Variants in ATP9B observed in about 807,000 individuals in gnomAD.
ATP9B encodes probable phospholipid-transporting ATPase IIB.
In ATP9B, 110 loss-of-function variants were observed where a neutral mutation model predicts 146.1. The observed-to-expected ratio is 0.75, with a 90% CI of 0.65 to 0.88. The LOEUF is 0.88. Among genes scored for constraint, ATP9B ranks in the 40% least tolerant of loss-of-function variants. The pLI, the probability that ATP9B is intolerant of heterozygous loss-of-function variation, is 0.00. For missense variants in ATP9B, 1,499 were observed against 1,496.4 expected (o/e 1.00, Z -0.03); for synonymous variants, 604 against 569.7 (o/e 1.06, Z -0.86).
At chr18:79,145,348 A>G (rs71366507) in intron 6 of ATP9B, 34 of 114,878 alleles carry the variant, frequency 3.0e-4, no homozygotes, top group Middle Eastern at 4.7e-3. Context: ...CTGAAGGTGC[A>G]GGCTGCATGT....
At position 79,147,953 on chromosome 18, in the gene ATP9B, G is replaced by A. The variant is rs577280534; in HGVS notation, c.726+4093G>A. Among the ~76,000 whole-genome samples the A allele has an allele frequency of 1.7e-4, 26 of 152,252 alleles. No homozygotes were observed. The South Asian group carries it at 5.2e-3, about 30-fold the overall frequency. ...AGGAAGACTGATCAAAATAAAAAGTGATGTCACAAATCACCAGTATTAGTA... is the reference window on the plus strand; with the variant it reads ...AGGAAGACTGATCAAAATAAAAAGTAATGTCACAAATCACCAGTATTAGTA... On this transcript the variant is annotated intron_variant, in intron 6 of 29. Transcript: ENST00000426216.
At chr18:79,179,336 GTTTC>G (rs2095221710) in intron 8 of ATP9B, among the ~76,000 whole-genome samples, 1 of 150,500 alleles carries the variant, frequency 6.6e-6, no homozygotes, top group South Asian at 2.1e-4. Flanking sequence ...AATTTTTTTT[GTTTC>G]TTCCTCCTTA....
intron 19 of ATP9B, among the ~76,000 whole-genome samples, chr18:79,339,747 CATG>C (rs2096848659): frequency 6.6e-6 from 1 of 151,336 alleles, no homozygotes; most frequent in Non-Finnish European, 1.5e-5. Context: ...GGAAGTGTGT[CATG>C]AGGCTGTATC....
Position 79,377,681 on chromosome 18 carries a change from C to T in ATP9B, c.*298C>T, listed in dbSNP as rs571988172. 136 of 407,074 alleles carry T rather than the reference C, an allele frequency of 3.3e-4. No individual in the cohort carries two copies. The highest frequency in any genetic ancestry group is 2.5e-3 in the African/African-American group (122 of 49,044). The allele number at this position is 407,074 out of a possible 1,614,324, so 25.2% of individuals were successfully genotyped here. A position where few individuals can be genotyped will look rare whatever the true frequency, so the allele number is the denominator to read the frequency against. On this transcript the variant is annotated 3_prime_UTR_variant, in exon 30 of 30. Transcript: ENST00000426216. ...GCATAGATGCTGAGACAGCCTCTCC[C>T]TCTCAGTGCAGGGACGTCACCCCTG...
chr18:79,204,973 G>A (rs1177426150), intron 9 of ATP9B, among the ~76,000 whole-genome samples: 1 of 152,026 alleles, frequency 6.6e-6, no homozygotes, highest in African/African-American at 2.4e-5. Context: ...CAGCATCATA[G>A]CCTTCATTCT....
intron 5 of ATP9B, among the ~76,000 whole-genome samples, chr18:79,138,945 G>A (rs1208565764): frequency 6.6e-6 from 1 of 152,152 alleles, no homozygotes; most frequent in East Asian, 1.9e-4. Flanking sequence ...GTGCGTACTT[G>A]TAGTCCCATC....
At chr18:79,135,284 A>G (rs184952861) in intron 5 of ATP9B, among the ~76,000 whole-genome samples, 46 of 152,324 alleles carry the variant, frequency 3.0e-4, no homozygotes, top group Non-Finnish European at 6.2e-4. Flanking sequence ...CAGATTCTGC[A>G]TTTTAATTAC....
chr18:79,163,542 T>G (rs912154919), intron 7 of ATP9B, among the ~76,000 whole-genome samples: 1 of 152,156 alleles, frequency 6.6e-6, no homozygotes, highest in Admixed American at 6.6e-5. Context: ...CTTTAATATT[T>G]TATATCAGAA....
Position 79,370,978 on chromosome 18 carries a change from A to G in ATP9B, c.3013-1847A>G, listed in dbSNP as rs376632445. On this transcript the variant is annotated intron_variant, in intron 26 of 29. Transcript: ENST00000426216. ...TTTCGTGACCAAAGACCAAACACCTACCATTACCCAGGGAGAGAAATGTCC... is the reference window on the plus strand; with the variant it reads ...TTTCGTGACCAAAGACCAAACACCTGCCATTACCCAGGGAGAGAAATGTCC... Among the ~76,000 whole-genome samples the G allele has an allele frequency of 2.4e-3, 368 of 152,374 alleles. 1 individual carries two copies. The highest frequency in any genetic ancestry group is 6.4e-3 in the South Asian group (31 of 4,832).
At chr18:79,248,807 C>T (rs890795007) in intron 11 of ATP9B, among the ~76,000 whole-genome samples, 3 of 152,148 alleles carry the variant, frequency 2.0e-5, no homozygotes, top group African/African-American at 7.2e-5. Context: ...GGGGTAAGTA[C>T]GCGTGAGTTT....
At chr18:79,179,147 A>AT (rs2095219205) in intron 8 of ATP9B, among the ~76,000 whole-genome samples, 1 of 152,004 alleles carries the variant, frequency 6.6e-6, no homozygotes, top group African/African-American at 2.4e-5. Context: ...ATATTCCATT[A>AT]TTTTTTTAGC....
In ATP9B at chr18:79,374,019, G is replaced by A. The variant is rs142942109; in HGVS notation, c.3192G>A (p.Thr1064=). The A allele has an allele frequency of 4.2e-4, 676 of 1,614,088 alleles. No homozygotes were observed. Among genetic ancestry groups the A allele is most frequent in the Non-Finnish European group, 5.3e-4 (624 of 1,180,048 alleles). ...TGATGGTGGCGCTGACCGTCCGCAC[G>A]TGGCACTGGCTGATGGTGGTGGCCG... ...ELLMVALTVR[T]WHWLMVVAEF... is the part of the protein sequence containing the mutation. The change falls in exon 28 of 30, where the codon ACG becomes ACA. Residue 1064 remains threonine, a synonymous_variant. Coordinates refer to ENST00000426216, the MANE Select transcript of ATP9B (RefSeq NM_198531.5).
At position 79,375,247 on chromosome 18, in the gene ATP9B, G is replaced by T. The variant is rs150051202; in HGVS notation, c.3275-147G>T. The T allele has an allele frequency of 2.5e-3, 1,658 of 660,574 alleles. 25 individuals are homozygous for T. In the African/African-American group the frequency reaches 0.027, roughly 11 times the overall value. 40.9% of individuals were successfully genotyped at this position (660,574 alleles called of 1,614,324 possible). On this transcript the variant is annotated intron_variant, in intron 28 of 29. Transcript: ENST00000426216. Reference sequence around the variant, plus strand: ...GTTGTATGGTATCAGGCAGGGAAATGAGATGTTAAAACCACATTGAAAACG... The same window carrying T: ...GTTGTATGGTATCAGGCAGGGAAATTAGATGTTAAAACCACATTGAAAACG...
intron 7 of ATP9B, among the ~76,000 whole-genome samples, chr18:79,164,412 A>G (rs1189504918): frequency 6.6e-6 from 1 of 152,154 alleles, no homozygotes; most frequent in Non-Finnish European, 1.5e-5. Flanking sequence ...GGGTACTTAA[A>G]AGGATTAAAA....
intron 12 of ATP9B, among the ~76,000 whole-genome samples, chr18:79,272,467 C>T (rs1238219759): frequency 6.6e-6 from 1 of 151,904 alleles, no homozygotes; most frequent in African/African-American, 2.4e-5. Flanking sequence ...TCCACTGAAT[C>T]CTGCACGGAT....
At chr18:79,072,487 G>A (rs958033701) in intron 1 of ATP9B, among the ~76,000 whole-genome samples, 11 of 152,170 alleles carry the variant, frequency 7.2e-5, no homozygotes, top group African/African-American at 2.7e-4. Context: ...TAGATTAACG[G>A]CATCCCAAGG....
At position 79,351,282 on chromosome 18, in the gene ATP9B, C is replaced by T. The variant is rs532517607; in HGVS notation, c.2903+3086C>T. Among the ~76,000 whole-genome samples, 64 of 152,346 alleles carry T rather than the reference C, an allele frequency of 4.2e-4. 1 individual carries two copies. The highest frequency in any genetic ancestry group is 1.5e-3 in the African/African-American group (64 of 41,586). ...GAACTACTGCTTGGGTTAGTGAGGC[C>T]TGTGCCTGCCTCACAGCCCGAGTGC... is the stretch of plus-strand genomic sequence containing the variant. On this transcript the variant is annotated intron_variant, in intron 25 of 29. Transcript: ENST00000426216.
chr18:79,307,304 C>T, intron 15 of ATP9B, 70 bp downstream of exon 15: 2 of 1,595,462 alleles, frequency 1.3e-6, no homozygotes, highest in South Asian at 1.1e-5. Flanking sequence ...AGGATTCATT[C>T]TTTCTGGGAT....
chr18:79,220,906 C>T (rs550476571), intron 11 of ATP9B, among the ~76,000 whole-genome samples: 1 of 152,356 alleles, frequency 6.6e-6, no homozygotes, highest in Admixed American at 6.5e-5. Context: ...CTGACTTGCT[C>T]TCTTCAGCCT....
Sources: allele counts gnomAD v4.1 joint callset (sites outside exome capture counted in the v4.1 genomes callset), GRCh38; gene constraint gnomAD v4.1.1; transcripts MANE v1.5; gene names NCBI Gene and HGNC (gene_info 2026-07-23, HGNC 2026-07-21).